The following LTBP1 variants were observed in gnomAD, a reference collection of about 807,000 sequenced individuals.
LTBP1 encodes latent transforming growth factor beta binding protein 1.
Under a neutral mutation model 207.6 loss-of-function variants are expected in LTBP1, and 129 were observed. That is an observed-to-expected ratio of 0.62 (90% CI 0.54 to 0.72). The LOEUF (loss-of-function observed/expected upper bound fraction) is 0.72. LTBP1 is among the 30% of genes least tolerant of loss of function. The pLI is 0.00. For synonymous variants in LTBP1, 963 were observed against 833.7 expected, an observed-to-expected ratio of 1.16 and a Z score of -2.67; for missense variants, 2,281 against 2,217.2, an observed-to-expected ratio of 1.03 and a Z score of -0.58.
intron 3 of LTBP1, among the ~76,000 whole-genome samples, chr2:33,044,290 G>C (rs569407130): frequency 1.3e-5 from 2 of 152,088 alleles, no homozygotes; most frequent in South Asian, 2.1e-4. Context: ...ACAGGCCCTG[G>C]TGTGTGATGT....
chr2:33,174,694 G>A lies in LTBP1; in HGVS notation c.1202-12162G>A, dbSNP rs563596922. On this transcript the variant is annotated intron_variant, in intron 5 of 33. Coordinates refer to ENST00000404816, the MANE Select transcript of LTBP1 (RefSeq NM_206943.4). ...ATGGAACCAAAAAAGAGCCCGCATC[G>A]CAAAGTGAATCCTAAGCCAAAAAAA... Among the ~76,000 whole-genome samples the A allele has an allele frequency of 8.5e-5, 13 of 152,246 alleles. No individual in the cohort carries two copies. The East Asian group carries it at 1.2e-3, about 14-fold the overall frequency.
intron 7 of LTBP1, among the ~76,000 whole-genome samples, chr2:33,194,450 A>C (rs2088305240): frequency 1.3e-5 from 2 of 152,256 alleles, no homozygotes; most frequent in South Asian, 4.1e-4. Context: ...CAGAGAGTAC[A>C]TGAATGATAA....
At chr2:33,390,441 G>T (rs1187712802) in intron 32 of LTBP1, among the ~76,000 whole-genome samples, 1 of 151,996 alleles carries the variant, frequency 6.6e-6, no homozygotes, top group African/African-American at 2.4e-5. Context: ...CATTTTGAGA[G>T]CCTCGTCCAC....
intron 4 of LTBP1, among the ~76,000 whole-genome samples, chr2:33,118,373 T>C (rs2080896195): frequency 6.6e-6 from 1 of 152,182 alleles, no homozygotes; most frequent in Non-Finnish European, 1.5e-5. Flanking sequence ...GAAAACAAAC[T>C]GTTTTAAAGA....
At chr2:33,069,012 T>C (rs549435561) in intron 3 of LTBP1, among the ~76,000 whole-genome samples, 64 of 152,330 alleles carry the variant, frequency 4.2e-4, no homozygotes, top group African/African-American at 1.5e-3. Context: ...AAATGTCAGT[T>C]TCAAAAACCA....
chr2:33,000,637 C>T lies in LTBP1; in HGVS notation c.566-20272C>T, dbSNP rs1043756051. 6.6e-5 allele frequency among the ~76,000 whole-genome samples: 9 copies of T among 135,538 alleles called. 3 individuals are homozygous for T. The highest frequency in any genetic ancestry group is 1.5e-4 in the Non-Finnish European group (9 of 61,456). The allele number at this position is 135,538 out of a possible 152,430, so 88.9% of individuals were successfully genotyped here. ...GCAGCCCGCCGCCACTGGACTGTCT[C>T]CTGTCTGTAAGCGCCCAATAAAACC... is the stretch of plus-strand genomic sequence containing the variant. On this transcript the variant is annotated intron_variant, in intron 2 of 33. Coordinates refer to ENST00000404816, the MANE Select transcript of LTBP1 (RefSeq NM_206943.4).
chr2:33,033,215 G>A (rs554272065), intron 3 of LTBP1, among the ~76,000 whole-genome samples: 1 of 149,614 alleles, frequency 6.7e-6, no homozygotes, highest in Admixed American at 6.9e-5. Flanking sequence ...TCTAGTGTAA[G>A]TGGTTTTTTT....
chr2:32,953,330 G>A (rs1037102493), intron 2 of LTBP1, among the ~76,000 whole-genome samples: 2 of 152,154 alleles, frequency 1.3e-5, no homozygotes, highest in South Asian at 2.1e-4. Context: ...GCCAAACTTG[G>A]GAGTCGAGCC....
At chr2:33,028,930 C>T (rs1486683684) in intron 3 of LTBP1, among the ~76,000 whole-genome samples, 8 of 152,106 alleles carry the variant, frequency 5.3e-5, no homozygotes, top group Admixed American at 5.2e-4. Context: ...ACTATAAATC[C>T]AGTTTATGGG....
chr2:33,312,984 G>A (rs2094209456), intron 23 of LTBP1, among the ~76,000 whole-genome samples: 1 of 152,126 alleles, frequency 6.6e-6, no homozygotes, highest in African/African-American at 2.4e-5. Flanking sequence ...GCAGCAGGTT[G>A]GAAATAAAGA....
In LTBP1 at chr2:33,363,465, A is replaced by G. The variant is rs749360904; in HGVS notation, c.4346A>G (p.Glu1449Gly). 2 of 1,613,936 alleles carry G rather than the reference A, an allele frequency of 1.2e-6. No homozygotes were observed. The highest frequency in any genetic ancestry group is 1.7e-6 in the Non-Finnish European group (2 of 1,179,848). The change falls in exon 29 of 34, where the codon GAA becomes GGA. Residue 1449 changes from glutamate (E) to glycine (G), a missense_variant. Around this residue, in one of 3 missense-constraint regions of LTBP1, gnomAD observed 1,671 missense variants for 1,634.8 expected, o/e 1.02. Transcript: ENST00000404816. ...TGTTTGAACACTCGGCCTGGGTATG[A>G]ATGCTACTGTAAGCAAGGGACGTAC... ...GFCLNTRPGY[E>G]CYCKQGTYYD...
rs190991894 is a variant in LTBP1 at position 33,051,235 on chromosome 2, A to G, written c.863+30029A>G. 1.1e-4 allele frequency among the ~76,000 whole-genome samples: 16 copies of G among 152,238 alleles called. No homozygotes were observed. In the East Asian group the frequency reaches 2.7e-3, roughly 26 times the overall value. ...AGTTCGAGACCAGCCTGGTCAATGT[A>G]GGCAGACCCAGTCTCTACAAAAAAT... is the stretch of plus-strand genomic sequence containing the variant. On this transcript the variant is annotated intron_variant, in intron 3 of 33. Coordinates refer to ENST00000404816, the MANE Select transcript of LTBP1 (RefSeq NM_206943.4).
At chr2:33,241,173 A>ACTT (rs144409755) in intron 9 of LTBP1, among the ~76,000 whole-genome samples, 9,316 of 152,272 alleles carry the variant, frequency 0.061, 369 homozygotes, top group African/African-American at 0.11. Context: ...AGAATGTGTC[A>ACTT]CAAAGGAAGG....
chr2:33,294,272 C>T (rs997560948), intron 20 of LTBP1, among the ~76,000 whole-genome samples: 4 of 151,954 alleles, frequency 2.6e-5, no homozygotes, highest in African/African-American at 9.7e-5. Context: ...TCTTGACTCA[C>T]TGCAACCCCT....
At chr2:33,286,984 T>C (rs2093678104) in intron 19 of LTBP1, among the ~76,000 whole-genome samples, 1 of 152,188 alleles carries the variant, frequency 6.6e-6, no homozygotes, top group Non-Finnish European at 1.5e-5. Flanking sequence ...TAATGTTAAA[T>C]GAAGAGTTAA....
intron 2 of LTBP1, among the ~76,000 whole-genome samples, chr2:33,001,464 G>C (rs1686055904): frequency 7.4e-6 from 1 of 134,932 alleles, no homozygotes; most frequent in Middle Eastern, 4.1e-3. Context: ...TAGAACAACT[G>C]CCTTAAGATT....
At chr2:33,341,965 G>A (rs1011408425) in intron 24 of LTBP1, among the ~76,000 whole-genome samples, 1 of 151,958 alleles carries the variant, frequency 6.6e-6, no homozygotes, top group African/African-American at 2.4e-5. Flanking sequence ...CTTGCATGTG[G>A]CATGACTGTT....
intron 31 of LTBP1, among the ~76,000 whole-genome samples, chr2:33,380,424 C>CA (rs35730871): frequency 0.075 from 9,369 of 125,604 alleles, 406 homozygotes; most frequent in East Asian, 0.2. Context: ...TAAAAAAATA[C>CA]AAAAAAAAAA....
intron 26 of LTBP1, among the ~76,000 whole-genome samples, chr2:33,354,728 A>C (rs7591417): frequency 0.032 from 3,406 of 106,514 alleles, 10 homozygotes; most frequent in African/African-American, 0.088. Context: ...ACACACACAC[A>C]CCATTGTATC....
Sources: allele counts gnomAD v4.1 joint callset (sites outside exome capture counted in the v4.1 genomes callset), GRCh38; gene constraint gnomAD v4.1.1; regional missense constraint gnomAD v4.1.1; transcripts MANE v1.5; gene names NCBI Gene and HGNC (gene_info 2026-07-23, HGNC 2026-07-21).